The following SCNN1B variants were observed in gnomAD, a reference collection of about 807,000 sequenced individuals.
SCNN1B encodes epithelial sodium channel subunit beta.
In SCNN1B, 46 loss-of-function variants were observed where a neutral mutation model predicts 65.3. The observed-to-expected ratio is 0.70, with a 90% CI of 0.56 to 0.90. The LOEUF (loss-of-function observed/expected upper bound fraction) is 0.90, where lower values mean the gene tolerates loss of function less well. Ranked by LOEUF, SCNN1B falls within the 40% of genes least tolerant of loss-of-function variation. The probability of loss-of-function intolerance (pLI) is 0.00; values close to 1 mark genes in which losing one functional copy is unlikely to be tolerated. For synonymous variants in SCNN1B, 349 were observed against 330.6 expected (o/e 1.06, Z -0.60); for missense variants, 751 against 830.5 (o/e 0.90, Z 1.18).
chr16:23,323,455 C>G (rs1406392140), intron 1 of SCNN1B: 1 of 687,860 alleles, frequency 1.5e-6, no homozygotes, highest in African/African-American at 1.8e-5. Flanking sequence ...AGGCACTGAT[C>G]TCTCTCCATG....
intron 1 of SCNN1B, among the ~76,000 whole-genome samples, chr16:23,325,122 G>A (rs1961666688): frequency 6.6e-6 from 1 of 152,154 alleles, no homozygotes; most frequent in Non-Finnish European, 1.5e-5. Flanking sequence ...CACCTCCTCT[G>A]AAATCCCTCT....
At chr16:23,328,116 TG>T (rs1428787629) in intron 1 of SCNN1B, among the ~76,000 whole-genome samples, 1 of 152,214 alleles carries the variant, frequency 6.6e-6, no homozygotes, top group Non-Finnish European at 1.5e-5. Context: ...TTATCTAATC[TG>T]GTGAGTTTAC....
rs539901130 is a variant in SCNN1B, at chr16:23,353,230, AT to A, written c.585+161del. ...TTGCAGAGATTTTTTAAAAATAGAA[AT>A]TTTTGGCATGTTAGTCAAGACTCCT... On this transcript the variant is annotated intron_variant, in intron 3 of 12. Coordinates refer to ENST00000343070, the MANE Select transcript of SCNN1B (RefSeq NM_000336.3). 157 of 893,052 alleles carry A rather than the reference AT, an allele frequency of 1.8e-4. 1 individual carries two copies. In the African/African-American group the frequency reaches 2.3e-3, roughly 13 times the overall value. 55.3% of individuals were successfully genotyped at this position (893,052 alleles called of 1,614,324 possible). A position where few individuals can be genotyped will look rare whatever the true frequency, so the allele number is the denominator to read the frequency against.
chr16:23,297,565 C>A (rs1299513024), upstream of SCNN1B, among the ~76,000 whole-genome samples: 1 of 152,156 alleles, frequency 6.6e-6, no homozygotes, highest in Non-Finnish European at 1.5e-5. Context: ...GGGTGGAATG[C>A]ATTATTATAC....
chr16:23,323,429 A>G (rs1961629281), intron 1 of SCNN1B: 1 of 650,272 alleles, frequency 1.5e-6, no homozygotes, highest in African/African-American at 1.8e-5. Flanking sequence ...GTATATGCAA[A>G]TAAGAAGCCT....
At chr16:23,359,834 G>A (rs1340111219) in intron 4 of SCNN1B, among the ~76,000 whole-genome samples, 1 of 152,314 alleles carries the variant, frequency 6.6e-6, no homozygotes, top group East Asian at 1.9e-4. Flanking sequence ...ATTATTGGGG[G>A]ATTAAATGAG....
At chr16:23,290,599 A>G (rs1401675731) in intron 2 of SCNN1B, among the ~76,000 whole-genome samples, 3 of 152,136 alleles carry the variant, frequency 2.0e-5, no homozygotes, top group African/African-American at 4.8e-5. Flanking sequence ...GAGCCATAGC[A>G]CCCCTCCTAA....
chr16:23,294,857 G>A (rs1960973378), intron 2 of SCNN1B, among the ~76,000 whole-genome samples: 1 of 151,882 alleles, frequency 6.6e-6, no homozygotes, highest in Admixed American at 6.6e-5. Flanking sequence ...TCCAGGCATG[G>A]TGGCGCGCGC....
chr16:23,322,599 C>G (rs115534526), intron 1 of SCNN1B, among the ~76,000 whole-genome samples: 2,297 of 152,218 alleles, frequency 0.015, 60 homozygotes, highest in African/African-American at 0.048. Context: ...GCGTGAGCCA[C>G]TATGCCCAGT....
chr16:23,380,575 G>C lies in SCNN1B; in HGVS notation c.1697G>C (p.Arg566Pro). Residue 566 changes from arginine to proline, a missense_variant, in exon 13 of 13, where the codon CGA becomes CCA. Arg to Pro is a moderately radical substitution (Grantham distance 103). Transcript: ENST00000343070. This position sits in a 1 kb window ranked among gnomAD's most constrained non-coding sequence, Gnocchi z 5.4. Reference protein sequence around the residue: ...VALAKSLRQRRAQASYAGPPP... With the variant: ...VALAKSLRQRPAQASYAGPPP... ...TTGGCCAAGAGCCTACGGCAGCGGC[G>C]AGCCCAAGCCAGCTACGCTGGCCCA... 1 of 1,614,140 alleles carries C rather than the reference G, an allele frequency of 6.2e-7. No homozygotes were observed. The highest frequency in any genetic ancestry group is 8.5e-7 in the Non-Finnish European group (1 of 1,180,018).
At chr16:23,279,564 A>G (rs1960755370) in intron 1 of SCNN1B, among the ~76,000 whole-genome samples, 1 of 152,198 alleles carries the variant, frequency 6.6e-6, no homozygotes, top group African/African-American at 2.4e-5. Flanking sequence ...TTCAGGGAAA[A>G]TGCTGAAGAA....
chr16:23,283,981 G>A (rs141768062), intron 2 of SCNN1B, among the ~76,000 whole-genome samples: 16 of 152,320 alleles, frequency 1.1e-4, no homozygotes, highest in East Asian at 5.8e-4. Context: ...TTTGGGGAAC[G>A]AAGGACCGCC....
At chr16:23,284,784 G>C (rs867007424) in intron 2 of SCNN1B, among the ~76,000 whole-genome samples, 1 of 152,298 alleles carries the variant, frequency 6.6e-6, no homozygotes, top group African/African-American at 2.4e-5. Context: ...TTTCTGCCAA[G>C]GAATGCAAGT....
rs1333801168 is a variant in SCNN1B at position 23,340,123 on chromosome 16, C to A, written c.-8-8469C>A. On this transcript the variant is annotated intron_variant, in intron 1 of 12. Transcript: ENST00000343070. The stretch of plus-strand genomic sequence containing the variant: ...CCTCTTTTATGGTGTCTATTCAAAT[C>A]ATTGGCCCATTTTTTGTTGAACTGT... Among the ~76,000 whole-genome samples, 11 of 152,214 alleles carry A rather than the reference C, an allele frequency of 7.2e-5. No individual in the cohort carries two copies. The East Asian group carries it at 1.7e-3, about 24-fold the overall frequency.
At chr16:23,371,159 AG>A (rs1397240521) in intron 5 of SCNN1B, 139 bp from the exon 6 acceptor site, 1 of 849,152 alleles carries the variant, frequency 1.2e-6, no homozygotes, top group African/African-American at 1.7e-5. Flanking sequence ...TTGAGGACTG[AG>A]TTTTTGCAAA....
chr16:23,377,123 G>A, intron 8 of SCNN1B, 42 bp from the exon 9 acceptor site: 1 of 1,581,670 alleles, frequency 6.3e-7, no homozygotes, highest in Non-Finnish European at 8.7e-7. Context: ...CACCTAAAAA[G>A]CCCCCTTAAA....
intron 3 of SCNN1B, 158 bp downstream of exon 3, chr16:23,353,232 T>G (rs985180856): frequency 6.9e-6 from 6 of 867,168 alleles, no homozygotes; most frequent in East Asian, 2.7e-5. Context: ...AAATAGAAAT[T>G]TTTGGCATGT....
intron 1 of SCNN1B, among the ~76,000 whole-genome samples, chr16:23,325,887 TAATAAATAAATAAATA>T (rs1555485521): frequency 3.2e-5 from 4 of 124,186 alleles, no homozygotes; most frequent in South Asian, 2.5e-4. Context: ...ACCCTGTCTC[TAATAAATAAATAAATA>T]AATAAATAAA....
At chr16:23,278,263 C>T (rs1209368433) in exon 1 of SCNN1B, 1 of 152,174 alleles carries the variant, frequency 6.6e-6, no homozygotes, top group African/African-American at 2.4e-5. Context: ...AACCTCAAAA[C>T]ACTTGGCTAA....
Sources: gnomAD v4.1 joint callset for allele counts (sites outside exome capture counted in the v4.1 genomes callset) on GRCh38, gnomAD v4.1.1 for gene constraint, Gnocchi (gnomAD v3.1) non-coding constraint, MANE v1.5 for transcripts, NCBI Gene and HGNC (gene_info 2026-07-23, HGNC 2026-07-21) for gene names.